Variants in MTA3 observed in about 807,000 individuals in gnomAD.
MTA3 encodes the protein metastasis associated 1 family member 3.
A neutral mutation model predicts 83.5 loss-of-function variants in MTA3; 34 were observed. That is an observed-to-expected ratio of 0.41 (90% CI 0.31 to 0.54). The LOEUF is 0.54. MTA3 is among the 20% of genes least tolerant of loss of function. The pLI is 0.33. For missense variants in MTA3, 761 were observed against 726.4 expected (o/e 1.05, Z -0.55); for synonymous variants, 303 against 252.7 (o/e 1.20, Z -1.89).
At chr2:42,732,150 G>A (rs149749571) in intron 16 of MTA3, among the ~76,000 whole-genome samples, 1 of 152,196 alleles carries the variant, frequency 6.6e-6, no homozygotes, top group East Asian at 1.9e-4. Context: ...TAGGGACTCT[G>A]TGTGGGGACT....
intron 4 of MTA3, among the ~76,000 whole-genome samples, chr2:42,629,226 C>G (rs1686432632): frequency 6.6e-6 from 1 of 152,032 alleles, no homozygotes; most frequent in South Asian, 2.1e-4. Context: ...ATTACAGGTG[C>G]ACGCCACTAT....
chr2:42,752,343 G>T lies in MTA3; in HGVS notation c.1760-1031G>T, dbSNP rs1276022128. The T allele has an allele frequency of 6.4e-6, 3 of 467,556 alleles. No homozygotes were observed. In the Admixed American group the frequency reaches 7.1e-5, roughly 11 times the overall value. 29.0% of individuals were successfully genotyped at this position (467,556 alleles called of 1,614,324 possible). On this transcript the variant is annotated intron_variant, in intron 16 of 16. Transcript: ENST00000405094. ...CTGGGTCCTTTCCTGGCAGCAGGGT[G>T]ATGTGCCTGGGGCAGAGAATATCTG...
At chr2:42,542,054 T>C (rs1018503646) in intron 2 of MTA3, among the ~76,000 whole-genome samples, 21 of 152,306 alleles carry the variant, frequency 1.4e-4, no homozygotes, top group Middle Eastern at 3.4e-3. Context: ...GTCTCCTTTC[T>C]GGAACTACAC....
At chr2:42,543,702 T>G (rs1676627403) in intron 2 of MTA3, among the ~76,000 whole-genome samples, 1 of 149,096 alleles carries the variant, frequency 6.7e-6, no homozygotes, top group Non-Finnish European at 1.5e-5. Context: ...CCCAGGCTGG[T>G]TTCAAACATC....
chr2:42,590,684 G>A (rs1030882817), intron 3 of MTA3, among the ~76,000 whole-genome samples: 8 of 144,438 alleles, frequency 5.5e-5, no homozygotes, highest in Non-Finnish European at 7.5e-5. Flanking sequence ...GCAATGGTGC[G>A]ATCTCGGCTC....
chr2:42,606,648 C>CAG, intron 3 of MTA3, among the ~76,000 whole-genome samples: 1 of 150,278 alleles, frequency 6.7e-6, no homozygotes, highest in South Asian at 2.1e-4. Flanking sequence ...GGCGGCCAGG[C>CAG]AGAGACACTC....
chr2:42,544,467 CAAAAACAAAAAA>C (rs1676666026), intron 2 of MTA3, among the ~76,000 whole-genome samples: 1 of 143,296 alleles, frequency 7.0e-6, no homozygotes, highest in African/African-American at 2.6e-5. Context: ...AAAACAAAAA[CAAAAACAAAAAA>C]AAAAACATAG....
chr2:42,615,158 G>C (rs754883989), intron 4 of MTA3, among the ~76,000 whole-genome samples: 6 of 151,788 alleles, frequency 4.0e-5, no homozygotes, highest in Non-Finnish European at 5.9e-5. Context: ...GGTCATGGTG[G>C]CACGTGCCTG....
chr2:42,728,267 G>A (rs1394988232), intron 16 of MTA3, among the ~76,000 whole-genome samples: 2 of 152,064 alleles, frequency 1.3e-5, no homozygotes, highest in African/African-American at 4.8e-5. Context: ...GCAAATGACA[G>A]GATTTCATTC....
intron 2 of MTA3, among the ~76,000 whole-genome samples, chr2:42,551,392 C>A (rs940963241): frequency 6.6e-6 from 1 of 151,812 alleles, no homozygotes; most frequent in Non-Finnish European, 1.5e-5. Context: ...GGTTTCACCA[C>A]GTTGGCCACC....
At chr2:42,723,288 G>C (rs1346657801) in intron 16 of MTA3, 1 of 458,606 alleles carries the variant, frequency 2.2e-6, no homozygotes, top group African/African-American at 2.0e-5. Context: ...TCTGTATTTA[G>C]CAGATTGCTT....
At chr2:42,731,301 G>A (rs963010283) in intron 16 of MTA3, among the ~76,000 whole-genome samples, 1 of 152,060 alleles carries the variant, frequency 6.6e-6, no homozygotes, top group African/African-American at 2.4e-5. Flanking sequence ...TAGGTTATAT[G>A]AAGTATTTCT....
At chr2:42,504,748 C>A (rs1402578874) in intron 2 of MTA3, among the ~76,000 whole-genome samples, 1 of 151,254 alleles carries the variant, frequency 6.6e-6, no homozygotes, top group Non-Finnish European at 1.5e-5. Context: ...TCTCCCACCT[C>A]ATCTTCCCAA....
At chr2:42,548,812 T>TATATATATATATATATATATA (rs1676883592) in intron 2 of MTA3, among the ~76,000 whole-genome samples, 1 of 37,206 alleles carries the variant, frequency 2.7e-5, no homozygotes, top group African/African-American at 1.5e-4. Flanking sequence ...CAAAAAAAAA[T>TATATATATATATATATATATA]ATATATATAT....
At chr2:42,636,497 A>T (rs1277551456) in intron 4 of MTA3, among the ~76,000 whole-genome samples, 1 of 152,064 alleles carries the variant, frequency 6.6e-6, no homozygotes, top group Non-Finnish European at 1.5e-5. Flanking sequence ...AACTGTGATT[A>T]TGCCGCTGCA....
intron 8 of MTA3, among the ~76,000 whole-genome samples, chr2:42,661,973 A>G (rs897880611): frequency 6.6e-6 from 1 of 152,118 alleles, no homozygotes; most frequent in African/African-American, 2.4e-5. Flanking sequence ...TCTGCTATGT[A>G]TGTAGTCTGT....
intron 2 of MTA3, among the ~76,000 whole-genome samples, chr2:42,524,623 C>G (rs774363445): frequency 2.6e-5 from 4 of 151,704 alleles, no homozygotes; most frequent in Non-Finnish European, 5.9e-5. Flanking sequence ...CGCGCCCCGC[C>G]AGCTGCAACC....
intron 3 of MTA3, among the ~76,000 whole-genome samples, chr2:42,591,155 A>G (rs919207458): frequency 1.3e-5 from 2 of 152,204 alleles, no homozygotes; most frequent in Non-Finnish European, 1.5e-5. Flanking sequence ...GGTATAGCCT[A>G]TTTGTACTTA....
chr2:42,660,998 A>G (rs185686579), intron 8 of MTA3, among the ~76,000 whole-genome samples: 2 of 152,238 alleles, frequency 1.3e-5, no homozygotes, highest in East Asian at 1.9e-4. Flanking sequence ...TTTCTTATGC[A>G]TTTTGTGTAC....
Sources: allele counts gnomAD v4.1 joint callset (sites outside exome capture counted in the v4.1 genomes callset), GRCh38; gene constraint gnomAD v4.1.1; transcripts MANE v1.5; gene names NCBI Gene and HGNC (gene_info 2026-07-23, HGNC 2026-07-21).